The following MARCHF1 variants were observed in gnomAD, a reference collection of about 807,000 sequenced individuals.
MARCHF1 encodes the protein membrane associated ring-CH-type finger 1.
A neutral mutation model predicts 54.2 loss-of-function variants in MARCHF1; 40 were observed. That is an observed-to-expected ratio of 0.74 (90% CI 0.57 to 0.96). The LOEUF is 0.96. MARCHF1 is among the 40% of genes least tolerant of loss of function. The pLI is 0.00. For synonymous variants in MARCHF1, 236 were observed against 236.3 expected, an observed-to-expected ratio of 1.00 and a Z score of 0.01; for missense variants, 586 against 656.5, an observed-to-expected ratio of 0.89 and a Z score of 1.17.
chr4:164,102,592 C>T (rs1048345835), intron 2 of MARCHF1, among the ~76,000 whole-genome samples: 1 of 150,950 alleles, frequency 6.6e-6, no homozygotes, highest in African/African-American at 2.4e-5. Flanking sequence ...CCAGGCCTGC[C>T]TTACAAGAGC....
At chr4:164,044,442 G>A (rs960334256) in intron 2 of MARCHF1, among the ~76,000 whole-genome samples, 6 of 152,180 alleles carry the variant, frequency 3.9e-5, no homozygotes, top group African/African-American at 1.2e-4. Context: ...CATATCTTGT[G>A]AGAACTCACC....
chr4:164,290,289 A>T lies in MARCHF1; in HGVS notation c.-323+93581T>A, dbSNP rs529155047. On this transcript the variant is annotated intron_variant, in intron 1 of 9. Coordinates refer to ENST00000514618, the MANE Select transcript of MARCHF1 (RefSeq NM_001394959.1). ...TTAGTGATGTCTCCATAATTATATTAAAAAATCAGAGAGACCTGTTAGTTA... is the reference window on the plus strand; with the variant it reads ...TTAGTGATGTCTCCATAATTATATTTAAAAATCAGAGAGACCTGTTAGTTA... Among the ~76,000 whole-genome samples the T allele has an allele frequency of 3.9e-5, 6 of 152,112 alleles. No homozygotes were observed. In the East Asian group the frequency reaches 7.7e-4, roughly 20 times the overall value.
intron 1 of MARCHF1, among the ~76,000 whole-genome samples, chr4:164,332,396 T>C (rs1348211815): frequency 6.6e-6 from 1 of 152,238 alleles, no homozygotes; most frequent in Non-Finnish European, 1.5e-5. Context: ...TAGTATGAGT[T>C]GCTCTACTTA....
chr4:163,632,486 G>T (rs935555735), intron 5 of MARCHF1, among the ~76,000 whole-genome samples: 1 of 152,202 alleles, frequency 6.6e-6, no homozygotes, highest in Non-Finnish European at 1.5e-5. Context: ...AGGGGTGATG[G>T]ACGGCACCTG....
chr4:164,189,532 G>A (rs1731067604), intron 1 of MARCHF1: 2 of 828,524 alleles, frequency 2.4e-6, no homozygotes, highest in Admixed American at 3.8e-5. Flanking sequence ...GTCCTCCCAT[G>A]GCATAAACCC....
intron 8 of MARCHF1, chr4:163,556,096 T>C: frequency 6.1e-6 from 2 of 329,430 alleles, no homozygotes; most frequent in Non-Finnish European, 1.3e-5. Context: ...GATGACATTA[T>C]TAGATTTTTT....
chr4:163,547,567 A>G (rs1479538304), intron 8 of MARCHF1, among the ~76,000 whole-genome samples: 1 of 152,222 alleles, frequency 6.6e-6, no homozygotes. Flanking sequence ...CAGCCCAATC[A>G]GCAACAGCTT....
chr4:164,280,256 C>G (rs1253820581), intron 1 of MARCHF1, among the ~76,000 whole-genome samples: 1 of 151,832 alleles, frequency 6.6e-6, no homozygotes, highest in Non-Finnish European at 1.5e-5. Flanking sequence ...TCCTCAAAGT[C>G]GTGAATATAG....
intron 4 of MARCHF1, among the ~76,000 whole-genome samples, chr4:163,809,839 T>A (rs954648414): frequency 2.6e-5 from 4 of 152,164 alleles, no homozygotes; most frequent in Admixed American, 6.6e-5. Context: ...AGTTGTATCA[T>A]CTAAATAATG....
At chr4:164,021,247 G>A (rs35516254) in intron 2 of MARCHF1, among the ~76,000 whole-genome samples, 1 of 151,820 alleles carries the variant, frequency 6.6e-6, no homozygotes, top group African/African-American at 2.4e-5. Flanking sequence ...CTAGCCAGTG[G>A]CTACTTTCCT....
chr4:163,778,872 G>T (rs769845362), intron 4 of MARCHF1, among the ~76,000 whole-genome samples: 8 of 151,940 alleles, frequency 5.3e-5, no homozygotes, highest in Non-Finnish European at 1.0e-4. Context: ...TGGGAGGGGG[G>T]TATATGATGA....
intron 3 of MARCHF1, among the ~76,000 whole-genome samples, chr4:163,880,075 CAT>C (rs1320492776): frequency 6.6e-6 from 1 of 151,650 alleles, no homozygotes; most frequent in African/African-American, 2.4e-5. Context: ...AACAAATTTC[CAT>C]ATGATATAAG....
chr4:164,191,301 C>G (rs530111283), intron 1 of MARCHF1, among the ~76,000 whole-genome samples: 1 of 152,302 alleles, frequency 6.6e-6, no homozygotes, highest in South Asian at 2.1e-4. Context: ...AATTCATACT[C>G]TGCATATTAA....
intron 2 of MARCHF1, among the ~76,000 whole-genome samples, chr4:164,094,856 T>C (rs377211953): frequency 5.5e-4 from 83 of 152,260 alleles, no homozygotes; most frequent in African/African-American, 1.9e-3. Context: ...CTAAAAGTAA[T>C]TTAATAGTAT....
At chr4:164,064,041 C>A (rs902480358) in intron 2 of MARCHF1, among the ~76,000 whole-genome samples, 1 of 152,144 alleles carries the variant, frequency 6.6e-6, no homozygotes, top group Non-Finnish European at 1.5e-5. Context: ...TGTACCAGTA[C>A]CATGCTGTTT....
At chr4:163,920,482 T>C (rs978376511) in intron 3 of MARCHF1, among the ~76,000 whole-genome samples, 8 of 152,236 alleles carry the variant, frequency 5.3e-5, no homozygotes, top group African/African-American at 1.9e-4. Context: ...CTGCTTTACT[T>C]TGCTGTACTT....
intron 1 of MARCHF1, chr4:164,197,217 G>C (rs116318697): frequency 6.2e-7 from 1 of 1,609,762 alleles, no homozygotes; most frequent in Non-Finnish European, 8.5e-7. Context: ...CCTCCTCCTC[G>C]TCATCCAGGC....
chr4:163,659,618 C>T (rs768442279), intron 5 of MARCHF1, among the ~76,000 whole-genome samples: 1 of 151,956 alleles, frequency 6.6e-6, no homozygotes, highest in Non-Finnish European at 1.5e-5. Flanking sequence ...GAACAGGCAA[C>T]CTACAGAATG....
At chr4:164,369,810 A>T (rs1266879719) in intron 1 of MARCHF1, among the ~76,000 whole-genome samples, 1 of 152,172 alleles carries the variant, frequency 6.6e-6, no homozygotes, top group Non-Finnish European at 1.5e-5. Flanking sequence ...CACAACACGA[A>T]CATCTATCTA....
Sources: gnomAD v4.1 joint callset for allele counts (sites outside exome capture counted in the v4.1 genomes callset) on GRCh38, gnomAD v4.1.1 for gene constraint, MANE v1.5 for transcripts, NCBI Gene and HGNC (gene_info 2026-07-23, HGNC 2026-07-21) for gene names.